Variants in RPRD1A observed in about 807,000 individuals in gnomAD.
RPRD1A encodes the protein regulation of nuclear pre-mRNA domain containing 1A.
A neutral mutation model predicts 37.8 loss-of-function variants in RPRD1A; 9 were observed. That is an observed-to-expected ratio of 0.24 (90% confidence interval 0.14 to 0.42). The LOEUF (loss-of-function observed/expected upper bound fraction) is 0.42. Ranked by LOEUF, RPRD1A falls within the 10% of genes least tolerant of loss-of-function variation. The probability of loss-of-function intolerance (pLI) is 1.00; values close to 1 mark genes in which losing one functional copy is unlikely to be tolerated. For missense variants in RPRD1A, 255 were observed against 371.0 expected, an observed-to-expected ratio of 0.69 and a Z score of 2.57; for synonymous variants, 138 against 139.7, an observed-to-expected ratio of 0.99 and a Z score of 0.08.
chr18:36,005,087 G>C (rs1161976882), intron 6 of RPRD1A, among the ~76,000 whole-genome samples: 2 of 152,160 alleles, frequency 1.3e-5, no homozygotes, highest in Admixed American at 6.5e-5. Context: ...GGATCACGAG[G>C]TCAGGAGATC....
chr18:36,003,263 T>C (rs1282651104), intron 6 of RPRD1A, among the ~76,000 whole-genome samples: 1 of 152,206 alleles, frequency 6.6e-6, no homozygotes, highest in Non-Finnish European at 1.5e-5. Context: ...ACAGAACTTA[T>C]CTTCCACATT....
At position 35,990,544 on chromosome 18, in the gene RPRD1A, G is replaced by C. The variant is rs1908659142; in HGVS notation, c.*2607C>G. 1 of 152,178 alleles carries C rather than the reference G, an allele frequency of 6.6e-6. No individual in the cohort carries two copies. Among genetic ancestry groups the C allele is most frequent in the Admixed American group, 6.6e-5 (1 of 15,264 alleles). 9.4% of individuals were successfully genotyped at this position (152,178 alleles called of 1,614,324 possible). A position where few individuals can be genotyped will look rare whatever the true frequency, so the allele number is the denominator to read the frequency against. On this transcript the variant is annotated 3_prime_UTR_variant, in exon 7 of 7. Coordinates refer to ENST00000399022, the MANE Select transcript of RPRD1A (RefSeq NM_018170.5). Reference sequence around the variant, plus strand: ...TACTTACTGTAGTGATGGAAGGAGAGAAGGAGCGCCCGAGAATCTGTTCAG... The same window carrying C: ...TACTTACTGTAGTGATGGAAGGAGACAAGGAGCGCCCGAGAATCTGTTCAG...
intron 1 of RPRD1A, among the ~76,000 whole-genome samples, chr18:36,064,696 C>A (rs1377953217): frequency 1.3e-5 from 2 of 152,180 alleles, no homozygotes; most frequent in African/African-American, 4.8e-5. Context: ...CAGGACGTGG[C>A]TGGGGCCAGA....
intron 1 of RPRD1A, among the ~76,000 whole-genome samples, chr18:36,056,296 T>G (rs1271594123): frequency 3.3e-5 from 5 of 151,120 alleles, no homozygotes; most frequent in African/African-American, 4.9e-5. Flanking sequence ...GTTTTTGTGT[T>G]TTTTTTTTGA....
chr18:36,062,697 C>A (rs1010263033), intron 1 of RPRD1A, among the ~76,000 whole-genome samples: 16 of 151,992 alleles, frequency 1.1e-4, no homozygotes, highest in African/African-American at 3.6e-4. Flanking sequence ...CACAAAAGAC[C>A]ACATACTATA....
intron 6 of RPRD1A, among the ~76,000 whole-genome samples, chr18:35,995,563 C>T (rs1331074362): frequency 6.6e-6 from 1 of 152,084 alleles, no homozygotes; most frequent in East Asian, 1.9e-4. Context: ...CCACTGTGCC[C>T]GGCCTTGTCT....
At chr18:36,019,123 T>TG in intron 6 of RPRD1A, among the ~76,000 whole-genome samples, 1 of 149,538 alleles carries the variant, frequency 6.7e-6, no homozygotes, top group African/African-American at 2.5e-5. Context: ...TTTTTTTTTT[T>TG]TGGAGACAGA....
intron 4 of RPRD1A, among the ~76,000 whole-genome samples, chr18:36,029,201 C>T (rs1431736840): frequency 6.6e-6 from 1 of 152,168 alleles, no homozygotes; most frequent in Non-Finnish European, 1.5e-5. Flanking sequence ...TGGTCTGATT[C>T]CTTCTGCTTC....
intron 2 of RPRD1A, among the ~76,000 whole-genome samples, chr18:36,032,721 T>TTATGCA (rs1911884984): frequency 6.6e-6 from 1 of 152,202 alleles, no homozygotes; most frequent in East Asian, 1.9e-4. Flanking sequence ...AGTTTAAAGG[T>TTATGCA]AACATAATTT....
At chr18:36,061,273 T>C (rs2088905440) in intron 1 of RPRD1A, among the ~76,000 whole-genome samples, 1 of 152,232 alleles carries the variant, frequency 6.6e-6, no homozygotes, top group Non-Finnish European at 1.5e-5. Context: ...AGGGCAGGGA[T>C]AAACTGTTTT....
chr18:36,048,091 A>T (rs1913092305), intron 1 of RPRD1A, among the ~76,000 whole-genome samples: 1 of 130,764 alleles, frequency 7.6e-6, no homozygotes, highest in Non-Finnish European at 1.6e-5. Context: ...TTTTTGAGAC[A>T]GTTTCGCTCT....
At chr18:36,055,633 C>A (rs920848065) in intron 1 of RPRD1A, among the ~76,000 whole-genome samples, 1 of 151,844 alleles carries the variant, frequency 6.6e-6, no homozygotes, top group Non-Finnish European at 1.5e-5. Context: ...GATACCGTAA[C>A]AAATTAAAGT....
chr18:35,997,865 C>A (rs187350198), intron 6 of RPRD1A, among the ~76,000 whole-genome samples: 1 of 152,326 alleles, frequency 6.6e-6, no homozygotes, highest in Admixed American at 6.5e-5. Flanking sequence ...TACCACCTCT[C>A]CCAATTTTTA....
chr18:36,064,019 TACC>T (rs1378469051), intron 1 of RPRD1A: 3 of 152,280 alleles, frequency 2.0e-5, no homozygotes, highest in Non-Finnish European at 4.4e-5. Context: ...CTTACAATTT[TACC>T]ACATTTGCAC....
chr18:36,032,879 G>A (rs1305126447), intron 2 of RPRD1A, among the ~76,000 whole-genome samples: 1 of 152,132 alleles, frequency 6.6e-6, no homozygotes, highest in Non-Finnish European at 1.5e-5. Context: ...AAGTAAAAAT[G>A]TCAAAAGGCA....
intron 6 of RPRD1A, among the ~76,000 whole-genome samples, chr18:36,008,141 T>C (rs929435872): frequency 1.3e-5 from 2 of 152,108 alleles, no homozygotes; most frequent in South Asian, 2.1e-4. Flanking sequence ...TCCTCTTAAC[T>C]ACTAAAGTTA....
intron 6 of RPRD1A, chr18:36,025,541 G>T: frequency 1.2e-6 from 1 of 810,556 alleles, no homozygotes; most frequent in Non-Finnish European, 1.7e-6. Flanking sequence ...AAAGTATAAA[G>T]CAGAATAAAG....
chr18:36,002,022 TC>T (rs1280319314), intron 6 of RPRD1A, among the ~76,000 whole-genome samples: 1 of 92,288 alleles, frequency 1.1e-5, no homozygotes, highest in African/African-American at 5.3e-5. Context: ...TGATTCCCCC[TC>T]TGGCTTCTTT....
chr18:36,000,312 C>T (rs1407006409), intron 6 of RPRD1A, among the ~76,000 whole-genome samples: 1 of 152,146 alleles, frequency 6.6e-6, no homozygotes. Context: ...CTATACATCT[C>T]AGATGGAGCT....
Sources: gnomAD v4.1 joint callset for allele counts (sites outside exome capture counted in the v4.1 genomes callset) on GRCh38, gnomAD v4.1.1 for gene constraint, MANE v1.5 for transcripts, NCBI Gene and HGNC (gene_info 2026-07-23, HGNC 2026-07-21) for gene names.